Variants in PIBF1 observed in about 807,000 individuals in gnomAD.
PIBF1 encodes the protein progesterone immunomodulatory binding factor 1, also known as progesterone-induced-blocking factor 1.
Under a neutral mutation model 112.5 loss-of-function variants are expected in PIBF1, and 90 were observed. The ratio of observed to expected loss-of-function variants is 0.80; its 90% confidence interval spans 0.67 to 0.95. The LOEUF (loss-of-function observed/expected upper bound fraction) is 0.95. PIBF1 is among the 40% of genes least tolerant of loss of function. PIBF1 has a pLI of 0.00. For missense variants in PIBF1, 915 were observed against 852.3 expected (o/e 1.07, Z -0.92); for synonymous variants, 301 against 288.6 (o/e 1.04, Z -0.44).
rs1176079981 is a variant in PIBF1, at chr13:73,010,810, C to CTTTTTTTTTTTTTTTTTT, written c.2224-5046_2224-5029dup. 5.4e-3 allele frequency among the ~76,000 whole-genome samples: 216 copies of CTTTTTTTTTTTTTTTTTT among 40,310 alleles called. 46 individuals carry two copies. The highest frequency in any genetic ancestry group is 6.4e-3 in the Non-Finnish European group (145 of 22,538). 26.4% of individuals were successfully genotyped at this position (40,310 alleles called of 152,430 possible). A position where few individuals can be genotyped will look rare whatever the true frequency, so the allele number is the denominator to read the frequency against. On this transcript the variant is annotated intron_variant, in intron 17 of 17. Transcript: ENST00000326291. ...CTGAGCTGGAAAATCATTAACTTTT[C>CTTTTTTTTTTTTTTTTTT]TTTTTTTTTTTTTTTTTTTTTTTTT...
intron 11 of PIBF1, chr13:72,901,017 C>A: frequency 2.4e-6 from 1 of 419,898 alleles, no homozygotes; most frequent in African/African-American, 2.1e-5. Context: ...AGCAAAACTC[C>A]GTCTCAAAAC....
rs780766692 is a variant in PIBF1, at chr13:72,792,567, A to T, written c.353+20A>T. On this transcript the variant is annotated intron_variant, in intron 3 of 17. Transcript: ENST00000326291. ...TGCCAGGTAAGAAAAGTTTTTTTTA[A>T]AAAAAAAACAACATCTATTTAGCAA... The T allele has an allele frequency of 1.2e-4, 144 of 1,194,294 alleles. No homozygotes were observed. Among genetic ancestry groups the T allele is most frequent in the Admixed American group, 4.0e-4 (16 of 40,464 alleles). The allele number at this position is 1,194,294 out of a possible 1,614,324, so 74.0% of individuals were successfully genotyped here.
At chr13:72,867,186 T>A (rs2038964341) in intron 10 of PIBF1, among the ~76,000 whole-genome samples, 1 of 152,120 alleles carries the variant, frequency 6.6e-6, no homozygotes. Context: ...TCTAACAAGA[T>A]CTGGTGGTTT....
intron 17 of PIBF1, among the ~76,000 whole-genome samples, chr13:73,008,146 G>A (rs911032866): frequency 5.3e-5 from 8 of 152,120 alleles, no homozygotes; most frequent in Non-Finnish European, 1.0e-4. Context: ...AATTAACAGA[G>A]AACCTGAATT....
intron 9 of PIBF1, among the ~76,000 whole-genome samples, chr13:72,840,247 A>T (rs1222010200): frequency 6.6e-6 from 1 of 152,244 alleles, no homozygotes; most frequent in Non-Finnish European, 1.5e-5. Context: ...AGTAAAAAGT[A>T]AATTATAAAT....
chr13:72,870,927 A>G (rs527702349), intron 10 of PIBF1, among the ~76,000 whole-genome samples: 6 of 152,234 alleles, frequency 3.9e-5, no homozygotes, highest in African/African-American at 1.4e-4. Flanking sequence ...GAATGTCAGA[A>G]TAAAGAGCTT....
intron 16 of PIBF1, among the ~76,000 whole-genome samples, chr13:72,992,696 A>G (rs537628283): frequency 6.6e-6 from 1 of 152,156 alleles, no homozygotes; most frequent in Non-Finnish European, 1.5e-5. Context: ...CTGGAGTTCC[A>G]GCTGCCAAGG....
chr13:72,961,813 C>T (rs1461426658), intron 14 of PIBF1, among the ~76,000 whole-genome samples: 1 of 151,626 alleles, frequency 6.6e-6, no homozygotes, highest in African/African-American at 2.4e-5. Context: ...TTACCATTTG[C>T]TTAGGAAAAA....
intron 14 of PIBF1, among the ~76,000 whole-genome samples, chr13:72,951,876 A>G (rs1326812541): frequency 6.6e-6 from 1 of 151,960 alleles, no homozygotes; most frequent in Non-Finnish European, 1.5e-5. Context: ...TAATTTTAGT[A>G]TTTTTAGTAG....
At chr13:72,939,009 T>A (rs1159826047) in intron 14 of PIBF1, among the ~76,000 whole-genome samples, 2 of 152,198 alleles carry the variant, frequency 1.3e-5, no homozygotes, top group Admixed American at 1.3e-4. Flanking sequence ...CACTTTTGAA[T>A]TGGGTTGTCT....
At chr13:72,980,504 G>A (rs969404753) in intron 16 of PIBF1, among the ~76,000 whole-genome samples, 3 of 152,160 alleles carry the variant, frequency 2.0e-5, no homozygotes, top group African/African-American at 7.2e-5. Context: ...GATTTAATAA[G>A]ATGCTAAAGG....
At chr13:72,928,004 T>C (rs113969248) in intron 13 of PIBF1, among the ~76,000 whole-genome samples, 494 of 40,378 alleles carry the variant, frequency 0.012, 23 homozygotes, top group African/African-American at 0.049. Context: ...CACATATATA[T>C]ACATATATAT....
At chr13:73,007,809 CAAA>C (rs34084112) in intron 17 of PIBF1, among the ~76,000 whole-genome samples, 213 of 135,818 alleles carry the variant, frequency 1.6e-3, no homozygotes, top group African/African-American at 3.4e-3. Flanking sequence ...AACTCCATCT[CAAA>C]AAAAAAAAAA....
At chr13:72,909,958 G>A (rs1436681650) in intron 12 of PIBF1, among the ~76,000 whole-genome samples, 2 of 152,070 alleles carry the variant, frequency 1.3e-5, no homozygotes, top group Non-Finnish European at 2.9e-5. Flanking sequence ...ACCATTGGCT[G>A]TGATGTTTGC....
chr13:72,950,986 C>G (rs2042280633), intron 14 of PIBF1, among the ~76,000 whole-genome samples: 1 of 152,188 alleles, frequency 6.6e-6, no homozygotes, highest in African/African-American at 2.4e-5. Flanking sequence ...AGTGGCCAAT[C>G]AGCAAGGAAA....
At chr13:73,003,816 C>G (rs979928504) in intron 17 of PIBF1, among the ~76,000 whole-genome samples, 1 of 152,038 alleles carries the variant, frequency 6.6e-6, no homozygotes. Flanking sequence ...CTCAAGTGAT[C>G]CTCCCAACTC....
At chr13:72,938,062 T>G (rs910476010) in intron 14 of PIBF1, among the ~76,000 whole-genome samples, 3 of 152,188 alleles carry the variant, frequency 2.0e-5, no homozygotes, top group Non-Finnish European at 4.4e-5. Flanking sequence ...TTTGCCTATT[T>G]TTAGTTTTTT....
chr13:73,002,289 C>T (rs2043895424), intron 17 of PIBF1, among the ~76,000 whole-genome samples: 1 of 152,180 alleles, frequency 6.6e-6, no homozygotes, highest in East Asian at 1.9e-4. Flanking sequence ...AAGTAAACTA[C>T]AGGGAGAATG....
chr13:72,863,907 A>G (rs1484706271), intron 10 of PIBF1, among the ~76,000 whole-genome samples: 1 of 152,196 alleles, frequency 6.6e-6, no homozygotes, highest in Non-Finnish European at 1.5e-5. Flanking sequence ...AGGCAGCTCA[A>G]CTGTTGCCAG....
Sources: gnomAD v4.1 joint callset for allele counts (sites outside exome capture counted in the v4.1 genomes callset) on GRCh38, gnomAD v4.1.1 for gene constraint, MANE v1.5 for transcripts, NCBI Gene and HGNC (gene_info 2026-07-23, HGNC 2026-07-21) for gene names.